Variants in NBPF8 observed in about 807,000 individuals in gnomAD.
NBPF8 encodes NBPF member 8, also known as NBPF family member NBPF8.
intron 18 of NBPF8, among the ~76,000 whole-genome samples, chr1:120,461,022 G>T (rs1198822518): frequency 1.5e-5 from 1 of 65,580 alleles, no homozygotes; most frequent in Non-Finnish European, 2.6e-5. Flanking sequence ...CGAACTGTGT[G>T]TGTGTGTGTG....
chr1:120,449,763 A>G (rs587699596), intron 11 of NBPF8, among the ~76,000 whole-genome samples: 58 of 152,308 alleles, frequency 3.8e-4, no homozygotes, highest in African/African-American at 1.3e-3. Context: ...TAAATGTCTG[A>G]GACTAGTGAA....
intron 23 of NBPF8, among the ~76,000 whole-genome samples, chr1:120,464,851 G>A (rs1473752009): frequency 2.4e-5 from 3 of 124,026 alleles, no homozygotes. Context: ...TCAAGGGTTT[G>A]TAGATTTCCT....
upstream of NBPF8, among the ~76,000 whole-genome samples, chr1:120,434,577 G>A (rs28627014): frequency 6.6e-6 from 1 of 150,928 alleles, no homozygotes; most frequent in Non-Finnish European, 1.5e-5. Flanking sequence ...TCATTGTTCA[G>A]TTCCCACCCA....
At chr1:120,450,042 C>T (rs1411781032) in intron 11 of NBPF8, among the ~76,000 whole-genome samples, 2 of 152,000 alleles carry the variant, frequency 1.3e-5, no homozygotes, top group Admixed American at 6.5e-5. Context: ...GCCTGGGCAA[C>T]ATGGAGAAAC....
At chr1:120,462,027 A>G in intron 19 of NBPF8, 119 bp from the exon 18 acceptor site, 1 of 339,124 alleles carries the variant, frequency 2.9e-6, no homozygotes, top group Non-Finnish European at 5.1e-6. Context: ...AATATCTCTC[A>G]CAGTGTCCTA....
At chr1:120,433,582 ATGG>A (rs1340272205), upstream of NBPF8, 1 of 160,932 alleles carries the variant, frequency 6.2e-6, no homozygotes, top group East Asian at 1.8e-4. Context: ...TGAAATTAAA[ATGG>A]TGTGTGTATG....
upstream of NBPF8, among the ~76,000 whole-genome samples, chr1:120,418,753 G>T (rs1233593708): frequency 1.4e-5 from 2 of 140,014 alleles, no homozygotes; most frequent in African/African-American, 5.6e-5. Context: ...TTCCTGTAGT[G>T]CCCAGACTGG....
chr1:120,456,452 A>G (rs1374493987), intron 16 of NBPF8, among the ~76,000 whole-genome samples: 2 of 130,930 alleles, frequency 1.5e-5, no homozygotes, highest in East Asian at 3.9e-4. Context: ...GTGCTCCTGT[A>G]TAGGGTGCAT....
At chr1:120,451,880 GA>G (rs1211359528) in intron 12 of NBPF8, among the ~76,000 whole-genome samples, 4 of 151,574 alleles carry the variant, frequency 2.6e-5, no homozygotes, top group East Asian at 1.9e-4. Flanking sequence ...TTTGTTTACA[GA>G]AGAGAAAGAT....
downstream of NBPF8, among the ~76,000 whole-genome samples, chr1:120,468,737 T>TC (rs1398230708): frequency 6.7e-6 from 1 of 150,246 alleles, no homozygotes; most frequent in Non-Finnish European, 1.5e-5. Flanking sequence ...AGTGCTCTAA[T>TC]CCACCAGGTC....
At chr1:120,422,961 T>C (rs1414164740) in intron 1 of NBPF8, among the ~76,000 whole-genome samples, 1 of 30 alleles carries the variant, frequency 0.033, no homozygotes, top group African/African-American at 0.17. Context: ...TCTTTCACCT[T>C]TTTTTTTTTT....
chr1:120,436,066 G>T (rs1233162780), upstream of NBPF8, among the ~76,000 whole-genome samples: 3 of 151,804 alleles, frequency 2.0e-5, no homozygotes, highest in African/African-American at 4.8e-5. Context: ...TTGTCACAAG[G>T]GTACACGAAT....
chr1:120,465,008 G>A (rs1165273550), intron 23 of NBPF8, among the ~76,000 whole-genome samples: 1 of 61,182 alleles, frequency 1.6e-5, no homozygotes, highest in Non-Finnish European at 3.6e-5. Flanking sequence ...TGGCATAACT[G>A]TTTGCACAAA....
intron 11 of NBPF8, 34 bp downstream of exon 9, chr1:120,449,436 T>A: frequency 6.8e-7 from 1 of 1,475,760 alleles, no homozygotes; most frequent in South Asian, 1.1e-5. Flanking sequence ...ATGAAAGTGA[T>A]GAATGATATC....
intron 3 of NBPF8, among the ~76,000 whole-genome samples, 37 bp downstream of exon 3, chr1:120,427,884 C>T (rs1660765201): frequency 6.6e-6 from 1 of 150,384 alleles, no homozygotes; most frequent in East Asian, 2.0e-4. Context: ...CTGAAAGATG[C>T]TACCAGTAGT....
chr1:120,422,607 AAC>A (rs1660605709), intron 1 of NBPF8, among the ~76,000 whole-genome samples: 2 of 143,326 alleles, frequency 1.4e-5, no homozygotes, highest in South Asian at 4.3e-4. Flanking sequence ...GTATGGCTAC[AAC>A]ACAGTTTGTT....
intron 17 of NBPF8, 149 bp from the exon 16 acceptor site, chr1:120,460,424 C>T: frequency 1.3e-6 from 1 of 752,426 alleles, no homozygotes; most frequent in Admixed American, 1.8e-5. Context: ...CAAGACTTGA[C>T]CTCAGGCCTA....
upstream of NBPF8, among the ~76,000 whole-genome samples, chr1:120,416,637 G>A (rs1620635): frequency 0.39 from 46,375 of 120,374 alleles, 9,937 homozygotes; most frequent in African/African-American, 0.46. Flanking sequence ...AAAAGTACAG[G>A]TAATGAATTT....
chr1:120,468,564 A>G (rs1305211336), downstream of NBPF8, among the ~76,000 whole-genome samples: 1 of 150,774 alleles, frequency 6.6e-6, no homozygotes, highest in Non-Finnish European at 1.5e-5. Context: ...AGGACCTCTA[A>G]TTTCTGCCAG....
Sources: allele counts gnomAD v4.1 joint callset (sites outside exome capture counted in the v4.1 genomes callset), GRCh38; gene constraint gnomAD v4.1.1; transcripts MANE v1.5; gene names NCBI Gene and HGNC (gene_info 2026-07-23, HGNC 2026-07-21).